The following NLGN1 variants were observed in gnomAD, a reference collection of about 807,000 sequenced individuals.
NLGN1 encodes the protein neuroligin-1.
In NLGN1, 12 loss-of-function variants were observed where a neutral mutation model predicts 65.5. The observed-to-expected ratio is 0.18, with a 90% CI of 0.12 to 0.30. The LOEUF is 0.30. Ranked by LOEUF, NLGN1 falls within the 10% of genes least tolerant of loss-of-function variation. NLGN1 has a pLI of 1.00. For missense variants in NLGN1, 750 were observed against 1,007.1 expected, an observed-to-expected ratio of 0.74 and a Z score of 3.46; for synonymous variants, 350 against 359.5, an observed-to-expected ratio of 0.97 and a Z score of 0.30.
intron 4 of NLGN1, among the ~76,000 whole-genome samples, chr3:173,977,378 C>T (rs1183249415): frequency 6.6e-6 from 1 of 151,490 alleles, no homozygotes; most frequent in Non-Finnish European, 1.5e-5. Flanking sequence ...GGGATCATGG[C>T]GAAGGACAGA....
intron 1 of NLGN1, among the ~76,000 whole-genome samples, chr3:173,432,932 A>G (rs1717448756): frequency 6.6e-6 from 1 of 152,148 alleles, no homozygotes; most frequent in African/African-American, 2.4e-5. Flanking sequence ...AGGCTCTCTC[A>G]GTGGACAGAG....
intron 4 of NLGN1, among the ~76,000 whole-genome samples, chr3:174,067,163 TTGTC>T (rs1488489716): frequency 5.9e-5 from 9 of 152,108 alleles, no homozygotes; most frequent in African/African-American, 1.9e-4. Context: ...ATGTTGAAAA[TTGTC>T]AGGTTTGGCA....
chr3:174,025,952 C>CT (rs1412189401), intron 4 of NLGN1, among the ~76,000 whole-genome samples: 2 of 152,006 alleles, frequency 1.3e-5, no homozygotes, highest in Non-Finnish European at 2.9e-5. Flanking sequence ...GTTTCAAACT[C>CT]TTAACTAGAA....
At chr3:173,769,077 C>T (rs992653654) in intron 3 of NLGN1, among the ~76,000 whole-genome samples, 1 of 152,104 alleles carries the variant, frequency 6.6e-6, no homozygotes, top group Non-Finnish European at 1.5e-5. Flanking sequence ...TTTAACCGAC[C>T]TAGATTGGTC....
intron 4 of NLGN1, among the ~76,000 whole-genome samples, chr3:174,023,552 A>C (rs1173217702): frequency 6.6e-6 from 1 of 152,148 alleles, no homozygotes; most frequent in Non-Finnish European, 1.5e-5. Flanking sequence ...GTGGAAATCC[A>C]TCATCTCAGT....
At chr3:173,660,343 A>G (rs1760749186) in intron 3 of NLGN1, among the ~76,000 whole-genome samples, 1 of 147,082 alleles carries the variant, frequency 6.8e-6, no homozygotes, top group Non-Finnish European at 1.5e-5. Flanking sequence ...ACCACAATGG[A>G]CCAATCATCT....
At chr3:173,916,760 T>A (rs961482900) in intron 4 of NLGN1, among the ~76,000 whole-genome samples, 1 of 152,168 alleles carries the variant, frequency 6.6e-6, no homozygotes, top group Non-Finnish European at 1.5e-5. Flanking sequence ...AGTTTATCCA[T>A]AAAGATACCC....
intron 4 of NLGN1, among the ~76,000 whole-genome samples, chr3:174,186,723 T>C (rs1043859819): frequency 4.6e-5 from 7 of 152,076 alleles, no homozygotes; most frequent in Non-Finnish European, 8.8e-5. Context: ...GATGCTTAAA[T>C]TATACTTGTC....
intron 3 of NLGN1, among the ~76,000 whole-genome samples, chr3:173,775,193 T>A (rs1780128402): frequency 6.6e-6 from 1 of 152,206 alleles, no homozygotes; most frequent in Non-Finnish European, 1.5e-5. Context: ...ACTAAATGTC[T>A]AATAATTAAA....
Position 173,643,346 on chromosome 3 carries a change from G to A in NLGN1, c.493+38255G>A, listed in dbSNP as rs145283320. ...GAAGTTCTATGAGCCCCAATCACAA[G>A]AAACACAAAATAAATGACAACATGC... On this transcript the variant is annotated intron_variant, in intron 3 of 6. Transcript: ENST00000457714. 1.5e-3 allele frequency among the ~76,000 whole-genome samples: 235 copies of A among 152,160 alleles called. 2 individuals are homozygous for A. The highest frequency in any genetic ancestry group is 5.4e-3 in the African/African-American group (226 of 41,522).
chr3:173,811,602 A>G (rs1204181892), intron 4 of NLGN1, among the ~76,000 whole-genome samples: 1 of 151,548 alleles, frequency 6.6e-6, no homozygotes, highest in African/African-American at 2.4e-5. Flanking sequence ...AAAGAAGAGA[A>G]AAGAAATGCA....
rs183565441 is a variant in NLGN1, at chr3:174,231,453, C to A, written c.647-43862C>A. Among the ~76,000 whole-genome samples, 9 of 152,252 alleles carry A rather than the reference C, an allele frequency of 5.9e-5. No homozygotes were observed. The East Asian group carries it at 1.7e-3, about 29-fold the overall frequency. On this transcript the variant is annotated intron_variant, in intron 4 of 6. Coordinates refer to ENST00000457714, the Ensembl canonical transcript of NLGN1. ...AGTCTATGAGTGGTTAATGTACGGT[C>A]GCTGGGATTGCCCAACACTCAGCTA... is the stretch of plus-strand genomic sequence containing the variant.
chr3:174,004,483 T>A (rs926889562), intron 4 of NLGN1, among the ~76,000 whole-genome samples: 1 of 152,150 alleles, frequency 6.6e-6, no homozygotes. Context: ...TCTTTTTTTA[T>A]CCTTAAGTAA....
At chr3:173,599,863 G>A (rs1029870235) in intron 2 of NLGN1, among the ~76,000 whole-genome samples, 1 of 152,074 alleles carries the variant, frequency 6.6e-6, no homozygotes, top group Non-Finnish European at 1.5e-5. Flanking sequence ...GCAAAACTTT[G>A]TCACCCTATG....
intron 2 of NLGN1, among the ~76,000 whole-genome samples, chr3:173,514,457 C>A (rs1238624358): frequency 6.6e-6 from 1 of 152,140 alleles, no homozygotes; most frequent in Non-Finnish European, 1.5e-5. Context: ...GGTAGTTTAG[C>A]TGTCACTTGT....
intron 4 of NLGN1, among the ~76,000 whole-genome samples, chr3:173,974,940 C>G (rs989445256): frequency 6.6e-6 from 1 of 151,944 alleles, no homozygotes; most frequent in African/African-American, 2.4e-5. Context: ...AGCCAATAAC[C>G]CTTTTCTCAC....
At chr3:174,191,332 C>T (rs1003462149) in intron 4 of NLGN1, among the ~76,000 whole-genome samples, 3 of 151,914 alleles carry the variant, frequency 2.0e-5, no homozygotes, top group East Asian at 1.9e-4. Flanking sequence ...GTTATGCATG[C>T]GAGGGAATCA....
intron 4 of NLGN1, among the ~76,000 whole-genome samples, chr3:174,095,427 A>G (rs1745303851): frequency 6.6e-6 from 1 of 151,890 alleles, no homozygotes. Flanking sequence ...ATTAGATTGT[A>G]CACATGATAG....
chr3:173,503,843 T>C (rs1241352965), intron 2 of NLGN1, among the ~76,000 whole-genome samples: 1 of 152,102 alleles, frequency 6.6e-6, no homozygotes, highest in East Asian at 1.9e-4. Flanking sequence ...TTATATAAAT[T>C]TCTTTCATGG....
Sources: gnomAD v4.1 joint callset for allele counts (sites outside exome capture counted in the v4.1 genomes callset) on GRCh38, gnomAD v4.1.1 for gene constraint, MANE v1.5 for transcripts, NCBI Gene and HGNC (gene_info 2026-07-23, HGNC 2026-07-21) for gene names.